KLHL29: variants seen among roughly 807,000 people sequenced by gnomAD.
The protein encoded by KLHL29 is kelch like family member 29.
KLHL29 carries 21 observed loss-of-function variants against 80.4 expected under a neutral mutation model. The ratio of observed to expected loss-of-function variants is 0.26; its 90% CI spans 0.19 to 0.38. The LOEUF is 0.38. Among genes scored for constraint, KLHL29 ranks in the 10% least tolerant of loss-of-function variants. The pLI, the probability that KLHL29 is intolerant of heterozygous loss-of-function variation, is 1.00. For missense variants in KLHL29, 867 were observed against 1,223.9 expected (o/e 0.71, Z 4.35); for synonymous variants, 511 against 526.8 (o/e 0.97, Z 0.41).
At chr2:23,627,864 A>G (rs1393780720) in intron 3 of KLHL29, among the ~76,000 whole-genome samples, 1 of 151,116 alleles carries the variant, frequency 6.6e-6, no homozygotes, top group Non-Finnish European at 1.5e-5. Context: ...TTTTAAAAAA[A>G]ACCAGGAATG....
chr2:23,412,640 A>T (rs898033750), intron 1 of KLHL29, among the ~76,000 whole-genome samples: 2 of 152,106 alleles, frequency 1.3e-5, no homozygotes, highest in African/African-American at 4.8e-5. Flanking sequence ...GGGAGTGGAG[A>T]TTACTGTGGA....
chr2:23,582,610 GC>G (rs771733178), intron 3 of KLHL29, among the ~76,000 whole-genome samples: 26 of 152,280 alleles, frequency 1.7e-4, no homozygotes, highest in Middle Eastern at 3.4e-3. Flanking sequence ...GGTTGCCTAG[GC>G]TTTGTGTTCC....
At chr2:23,441,950 A>G (rs1663537959) in intron 1 of KLHL29, among the ~76,000 whole-genome samples, 1 of 152,212 alleles carries the variant, frequency 6.6e-6, no homozygotes, top group Non-Finnish European at 1.5e-5. Context: ...ATGGTCTCCC[A>G]AAGATGTCCA....
intron 1 of KLHL29, among the ~76,000 whole-genome samples, chr2:23,452,912 C>CCCCACA (rs1553325470): frequency 2.7e-5 from 4 of 150,160 alleles, no homozygotes; most frequent in African/African-American, 9.8e-5. Flanking sequence ...ACCCCCCCGC[C>CCCCACA]CACACACACA....
At chr2:23,606,768 A>C (rs1297204923) in intron 3 of KLHL29, among the ~76,000 whole-genome samples, 1 of 152,216 alleles carries the variant, frequency 6.6e-6, no homozygotes, top group Non-Finnish European at 1.5e-5. Context: ...TGCAGAACCC[A>C]CACTCAATGG....
At chr2:23,452,326 C>A (rs936508615) in intron 1 of KLHL29, among the ~76,000 whole-genome samples, 1 of 151,876 alleles carries the variant, frequency 6.6e-6, no homozygotes, top group Non-Finnish European at 1.5e-5. Context: ...CTTACTGTCA[C>A]AGCCAGCAGT....
chr2:23,388,000 A>G (rs1014625448), intron 1 of KLHL29, among the ~76,000 whole-genome samples: 1 of 152,226 alleles, frequency 6.6e-6, no homozygotes, highest in Non-Finnish European at 1.5e-5. Flanking sequence ...TAGGTCTCCA[A>G]CTTTCATTTG....
chr2:23,434,802 C>T (rs565478117), intron 1 of KLHL29, among the ~76,000 whole-genome samples: 425 of 152,240 alleles, frequency 2.8e-3, no homozygotes, highest in Non-Finnish European at 4.0e-3. Flanking sequence ...CCTCGGGGCC[C>T]GTGGGCAGTC....
At chr2:23,641,550 A>T (rs933977545) in intron 4 of KLHL29, among the ~76,000 whole-genome samples, 1 of 131,682 alleles carries the variant, frequency 7.6e-6, no homozygotes, top group Non-Finnish European at 1.7e-5. Context: ...CCCAGCATTT[A>T]TAGGGCATTC....
chr2:23,536,658 C>A (rs914480250), intron 2 of KLHL29, among the ~76,000 whole-genome samples: 2 of 152,168 alleles, frequency 1.3e-5, no homozygotes, highest in Admixed American at 1.3e-4. Flanking sequence ...CTGCTGGATT[C>A]TTGAGTCCTG....
At chr2:23,491,607 C>T (rs1216600956) in intron 2 of KLHL29, among the ~76,000 whole-genome samples, 2 of 152,150 alleles carry the variant, frequency 1.3e-5, no homozygotes, top group Non-Finnish European at 2.9e-5. Flanking sequence ...CTGCCCCTTT[C>T]ATCCCTGTCC....
intron 3 of KLHL29, among the ~76,000 whole-genome samples, chr2:23,588,598 T>C (rs1668175385): frequency 6.6e-6 from 1 of 152,262 alleles, no homozygotes; most frequent in Admixed American, 6.5e-5. Flanking sequence ...CTCCTGCTTA[T>C]AGAACAGGCA....
At chr2:23,513,887 G>C (rs951775813) in intron 2 of KLHL29, among the ~76,000 whole-genome samples, 1 of 152,174 alleles carries the variant, frequency 6.6e-6, no homozygotes, top group Non-Finnish European at 1.5e-5. Context: ...CAACACATAG[G>C]CCTTATTTTT....
chr2:23,683,816 T>G (rs917836747), intron 5 of KLHL29, among the ~76,000 whole-genome samples: 1 of 151,828 alleles, frequency 6.6e-6, no homozygotes, highest in African/African-American at 2.4e-5. Context: ...CCCACAAGTG[T>G]GAAACAGAAG....
In KLHL29 at chr2:23,695,554, A is replaced by G; in HGVS notation, c.1543-69A>G. 9.0e-7 allele frequency: 1 copy of G among 1,110,702 alleles called. No individual in the cohort carries two copies. Among genetic ancestry groups the G allele is most frequent in the African/African-American group, 1.6e-5 (1 of 63,842 alleles). 68.8% of individuals were successfully genotyped at this position (1,110,702 alleles called of 1,614,324 possible). A position where few individuals can be genotyped will look rare whatever the true frequency, so the allele number is the denominator to read the frequency against. Reference sequence around the variant, plus strand: ...ATCCATTCTTGTGCAGCCCCACACCATTTCTTTCCGTCCGGGAGGTGGCTC... The same window carrying G: ...ATCCATTCTTGTGCAGCCCCACACCGTTTCTTTCCGTCCGGGAGGTGGCTC... On this transcript the variant is annotated intron_variant, in intron 8 of 13. Coordinates refer to ENST00000486442, the MANE Select transcript of KLHL29 (RefSeq NM_052920.2). The surrounding 1 kb of genome is among the most constrained non-coding windows in gnomAD (Gnocchi z 7.6).
At chr2:23,557,808 G>A (rs1170474770) in intron 2 of KLHL29, among the ~76,000 whole-genome samples, 1 of 152,176 alleles carries the variant, frequency 6.6e-6, no homozygotes, top group African/African-American at 2.4e-5. Context: ...GATATGTGAG[G>A]TTGTGTTGTT....
At chr2:23,515,930 T>C (rs894263628) in intron 2 of KLHL29, among the ~76,000 whole-genome samples, 1 of 152,132 alleles carries the variant, frequency 6.6e-6, no homozygotes, top group Admixed American at 6.5e-5. Context: ...TTGATAGCTG[T>C]CCCCACAAAG....
At chr2:23,630,481 T>C (rs943016330) in intron 3 of KLHL29, among the ~76,000 whole-genome samples, 1 of 152,076 alleles carries the variant, frequency 6.6e-6, no homozygotes, top group African/African-American at 2.4e-5. Flanking sequence ...CCCTGAGTTT[T>C]TTTTGTTTTG....
At position 23,613,763 on chromosome 2, in the gene KLHL29, C is replaced by CAAAAAAAAAAA. The variant is rs1157736706; in HGVS notation, c.286-25359_286-25349dup. On this transcript the variant is annotated intron_variant, in intron 3 of 13. Coordinates refer to ENST00000486442, the MANE Select transcript of KLHL29 (RefSeq NM_052920.2). Reference sequence around the variant, plus strand: ...TGGGCGGCAGGGCAAGACTCCATCTCAAAAAAAAAAAAAAAAAAAAAAAAA... The same window carrying CAAAAAAAAAAA: ...TGGGCGGCAGGGCAAGACTCCATCTCAAAAAAAAAAAAAAAAAAAAAAAAAAAAAAAAAAAA... 1.8e-3 allele frequency among the ~76,000 whole-genome samples: 116 copies of CAAAAAAAAAAA among 63,704 alleles called. 6 individuals are homozygous for CAAAAAAAAAAA. The highest frequency in any genetic ancestry group is 3.4e-3 in the African/African-American group (38 of 11,254). 41.8% of individuals were successfully genotyped at this position (63,704 alleles called of 152,430 possible).
Sources: allele counts gnomAD v4.1 joint callset (sites outside exome capture counted in the v4.1 genomes callset), GRCh38; gene constraint gnomAD v4.1.1; non-coding constraint Gnocchi (gnomAD v3.1); transcripts MANE v1.5; gene names NCBI Gene and HGNC (gene_info 2026-07-23, HGNC 2026-07-21).